Variants in COL5A3 observed in about 807,000 individuals in gnomAD.
The protein encoded by COL5A3 is collagen alpha-3(V) chain.
COL5A3 carries 172 observed loss-of-function variants against 250.0 expected under a neutral mutation model. The observed-to-expected ratio is 0.69, with a 90% CI of 0.61 to 0.78. The LOEUF (loss-of-function observed/expected upper bound fraction) is 0.78, where lower values mean the gene tolerates loss of function less well. Among genes scored for constraint, COL5A3 ranks in the 30% least tolerant of loss-of-function variants. The pLI is 0.00. For synonymous variants in COL5A3, 937 were observed against 900.4 expected (o/e 1.04, Z -0.73); for missense variants, 2,340 against 2,334.4 (o/e 1.00, Z -0.05).
At chr19:9,995,729 C>T in intron 15 of COL5A3, 112 bp from the exon 16 acceptor site, 3 of 769,094 alleles carry the variant, frequency 3.9e-6, no homozygotes, top group Non-Finnish European at 6.1e-6. Context: ...CCAGGCCAGA[C>T]ACCTGGGCTC....
At chr19:9,995,638 G>A in intron 15 of COL5A3, 21 bp from the exon 16 acceptor site, 2 of 1,539,524 alleles carry the variant, frequency 1.3e-6, no homozygotes, top group Non-Finnish European at 1.8e-6. Flanking sequence ...GCAAAAAGGA[G>A]GAAGGAAAGG....
At position 9,969,400 on chromosome 19, in the gene COL5A3, A is replaced by G. The variant is rs11669753; in HGVS notation, c.4101T>C (p.Gly1367=). 1 of 1,607,246 alleles carries G rather than the reference A, an allele frequency of 6.2e-7. No individual in the cohort carries two copies. The highest frequency in any genetic ancestry group is 8.5e-7 in the Non-Finnish European group (1 of 1,177,488). ...EGLRGIPGPV[G]EPGLLGAPGQ... is the part of the protein sequence containing the mutation. ...CAGGGGCTCCCAGGAGGCCTGGTTC[A>G]CCCTGAGAATGGAACAGAACATGGG... The change falls in exon 57 of 67, where the codon GGT becomes GGC. Residue 1367 remains glycine, a splice_region_variant and synonymous_variant. Transcript: ENST00000264828.
chr19:9,979,943 C>T, intron 36 of COL5A3, 51 bp from the exon 37 acceptor site: 1 of 1,575,198 alleles, frequency 6.3e-7, no homozygotes, highest in South Asian at 1.2e-5. Context: ...GGCTTCCTCC[C>T]TTCCCACATC....
chr19:9,974,508 G>A, intron 45 of COL5A3, 100 bp from the exon 46 acceptor site: 1 of 892,590 alleles, frequency 1.1e-6, no homozygotes, highest in Non-Finnish European at 1.6e-6. Flanking sequence ...TGGAGTCAGG[G>A]TTCAGATTAA....
rs552816099 is a variant in COL5A3, at chr19:9,961,468, C to T, written c.4852-578G>A. ...CAGCCTCCATCTCCTGAGCTCAAGT[C>T]ATCCTCCCATCTCAGCCTCCCAAGT... On this transcript the variant is annotated intron_variant, in intron 65 of 66. Coordinates refer to ENST00000264828, the MANE Select transcript of COL5A3 (RefSeq NM_015719.4). Among the ~76,000 whole-genome samples, 383 of 152,012 alleles carry T rather than the reference C, an allele frequency of 2.5e-3. 5 individuals are homozygous for T. The highest frequency in any genetic ancestry group is 2.6e-3 in the Non-Finnish European group (175 of 67,990).
At chr19:9,982,828 G>T (rs2087029118) in intron 31 of COL5A3, among the ~76,000 whole-genome samples, 1 of 152,022 alleles carries the variant, frequency 6.6e-6, no homozygotes, top group African/African-American at 2.4e-5. Flanking sequence ...TCCCATCTGG[G>T]GGTTCCATGG....
At chr19:9,969,543 A>T (rs759205164) in intron 56 of COL5A3, 32 bp downstream of exon 56, 1 of 1,601,928 alleles carries the variant, frequency 6.2e-7, no homozygotes, top group African/African-American at 1.3e-5. Context: ...AGCTGGATCC[A>T]CCCTGTCCCA....
chr19:9,995,543 G>C, intron 16 of COL5A3, 21 bp downstream of exon 16: 1 of 1,603,478 alleles, frequency 6.2e-7, no homozygotes, highest in Non-Finnish European at 8.5e-7. Flanking sequence ...GGGGTGGTCT[G>C]GGGACCTAGC....
In COL5A3 at chr19:10,001,597, CCTT is replaced by C. The variant is rs779577773; in HGVS notation, c.1034_1036del (p.Glu345del). On this transcript the variant is annotated inframe_deletion, in exon 8 of 67. Transcript: ENST00000264828. ...GTCAGGGCCCATGGTGGAATCATCT[CCTT>C]CTTCATCCTCCCTGGCTGCCTTGGT... 1.7e-5 allele frequency: 28 copies of C among 1,613,958 alleles called. 1 individual carries two copies. The highest frequency in any genetic ancestry group is 2.3e-5 in the Non-Finnish European group (27 of 1,179,984).
chr19:9,976,550 G>T lies in COL5A3; in HGVS notation c.3342+8C>A. ...CCAGAGAAGGACTGAAAAGATGGGGGCACTCACCGGGGGACCTGGGTGTCC... is the reference window on the plus strand; with the variant it reads ...CCAGAGAAGGACTGAAAAGATGGGGTCACTCACCGGGGGACCTGGGTGTCC... On this transcript the variant is annotated splice_region_variant and intron_variant, in intron 45 of 66. Coordinates refer to ENST00000264828, the MANE Select transcript of COL5A3 (RefSeq NM_015719.4). The T allele has an allele frequency of 1.3e-6, 2 of 1,562,158 alleles. No homozygotes were observed. Among genetic ancestry groups the T allele is most frequent in the Admixed American group, 2.1e-5 (1 of 48,018 alleles).
In COL5A3 at chr19:9,996,590, C is replaced by CT. The variant is rs760681858; in HGVS notation, c.1338+24dup. The CT allele has an allele frequency of 5.0e-6, 8 of 1,613,832 alleles. No homozygotes were observed. The African/African-American group carries it at 9.3e-5, about 19-fold the overall frequency. On this transcript the variant is annotated intron_variant, in intron 12 of 66. Coordinates refer to ENST00000264828, the MANE Select transcript of COL5A3 (RefSeq NM_015719.4). ...TGGATCAGGACTCCACTCCCCAAGGCTGGGCCACTCCATCTCCTTCTTACC... is the reference window on the plus strand; with the variant it reads ...TGGATCAGGACTCCACTCCCCAAGGCTTGGGCCACTCCATCTCCTTCTTACC...
chr19:10,010,298 C>T lies in COL5A3; in HGVS notation c.88G>A (p.Asp30Asn), dbSNP rs1467721341. 1.4e-6 allele frequency: 2 copies of T among 1,441,090 alleles called. No individual in the cohort carries two copies. Among genetic ancestry groups the T allele is most frequent in the East Asian group, 3.0e-5 (1 of 33,304 alleles). The allele number at this position is 1,441,090 out of a possible 1,614,324, so 89.3% of individuals were successfully genotyped here. A position where few individuals can be genotyped will look rare whatever the true frequency, so the allele number is the denominator to read the frequency against. The change falls in exon 1 of 67, where the codon GAT becomes AAT. Residue 30 changes from aspartate (D) to asparagine (N), a missense_variant and splice_region_variant. Asp to Asn is a conservative substitution (Grantham distance 23). Transcript: ENST00000264828. ...ALQLLPGTQA[D>N]PVDVLKALGV... Reference sequence around the variant, plus strand: ...TCCCATCTCTTCCCTCCCGGCTCACCGGCCTGCGTCCCCGGCAGAAGCTGC... The same window carrying T: ...TCCCATCTCTTCCCTCCCGGCTCACTGGCCTGCGTCCCCGGCAGAAGCTGC...
intron 61 of COL5A3, 76 bp from the exon 62 acceptor site, chr19:9,967,476 C>A: frequency 1.1e-6 from 1 of 896,558 alleles, no homozygotes; most frequent in Non-Finnish European, 1.7e-6. Flanking sequence ...CAAACACACA[C>A]ACACACTCAC....
rs1326897645 is a variant in COL5A3, at chr19:9,969,585, G to A, written c.4088C>T (p.Pro1363Leu). ...RVGPEGLRGIPGPVGEPGLLG... is the reference protein window; with the variant it reads ...RVGPEGLRGILGPVGEPGLLG... ...CCCCGCTCCACTCACCACAGGGCCA[G>A]GGATCCCTCGAAGACCCTCAGGCCC... The change falls in exon 56 of 67, where the codon CCT (proline) becomes CTT (leucine). Residue 1363 changes from proline to leucine, a missense_variant. Transcript: ENST00000264828. 1 of 1,610,692 alleles carries A rather than the reference G, an allele frequency of 6.2e-7. No homozygotes were observed. The highest frequency in any genetic ancestry group is 1.3e-5 in the African/African-American group (1 of 74,764).
rs1443356175 is a variant in COL5A3, at chr19:9,960,284, A to G, written c.*127T>C. 7.8e-6 allele frequency: 9 copies of G among 1,160,964 alleles called. No homozygotes were observed. Among genetic ancestry groups the G allele is most frequent in the South Asian group, 7.2e-5 (5 of 69,758 alleles). 71.9% of individuals were successfully genotyped at this position (1,160,964 alleles called of 1,614,324 possible). A position where few individuals can be genotyped will look rare whatever the true frequency, so the allele number is the denominator to read the frequency against. On this transcript the variant is annotated 3_prime_UTR_variant, in exon 67 of 67. Transcript: ENST00000264828. Reference sequence around the variant, plus strand: ...AAAGGAGAAGGAATGACTGTCCGTGATGAGCGAAGTCACATCCCATTGGCT... The same window carrying G: ...AAAGGAGAAGGAATGACTGTCCGTGGTGAGCGAAGTCACATCCCATTGGCT...
intron 27 of COL5A3, among the ~76,000 whole-genome samples, chr19:9,988,852 A>AGAGAGAG: frequency 9.8e-6 from 1 of 101,824 alleles, no homozygotes; most frequent in African/African-American, 5.7e-5. Flanking sequence ...AAAAAAAAAA[A>AGAGAGAG]AAAAAAGAAA....
rs1177154219 is a variant in COL5A3 at position 9,969,626 on chromosome 19, C to A, written c.4047G>T (p.Gly1349=). ...CCTCAGGCCCCACACGTCCAGGGGG[C>A]CCTCTAGCCCCCATTGGACCCGTCC... The part of the protein sequence containing the change: ...PGRTGPMGAR[G]PPGRVGPEGL... The change falls in exon 56 of 67, where the codon GGG becomes GGT. Residue 1349 remains glycine, a synonymous_variant. Coordinates refer to ENST00000264828, the MANE Select transcript of COL5A3 (RefSeq NM_015719.4). 5 of 1,591,514 alleles carry A rather than the reference C, an allele frequency of 3.1e-6. No homozygotes were observed. The highest frequency in any genetic ancestry group is 2.2e-5 in the East Asian group (1 of 44,802).
chr19:9,998,077 CCCCCTCACAATCCAGA>C lies in COL5A3; in HGVS notation c.1158+9_1158+24del. The C allele has an allele frequency of 6.2e-7, 1 of 1,613,950 alleles. No individual in the cohort carries two copies. ...CCGCTGTCATCATGAAGCCTCTCAA[CCCCCTCACAATCCAGA>C]CCCCTCACCTTTTCAATCACTGCGG... is the stretch of plus-strand genomic sequence containing the variant. On this transcript the variant is annotated intron_variant, in intron 9 of 66. Coordinates refer to ENST00000264828, the MANE Select transcript of COL5A3 (RefSeq NM_015719.4).
At chr19:9,998,963 C>T (rs536138244) in intron 8 of COL5A3, among the ~76,000 whole-genome samples, 3 of 152,254 alleles carry the variant, frequency 2.0e-5, no homozygotes, top group East Asian at 1.9e-4. Flanking sequence ...GGATTACAGG[C>T]GTGAGCCACC....
Sources: gnomAD v4.1 joint callset for allele counts (sites outside exome capture counted in the v4.1 genomes callset) on GRCh38, gnomAD v4.1.1 for gene constraint, MANE v1.5 for transcripts, NCBI Gene and HGNC (gene_info 2026-07-23, HGNC 2026-07-21) for gene names.